ALDH4A1: variants seen among roughly 807,000 people sequenced by gnomAD.
The protein encoded by ALDH4A1 is delta-1-pyrroline-5-carboxylate dehydrogenase, mitochondrial.
In ALDH4A1, 46 loss-of-function variants were observed where a neutral mutation model predicts 70.5. The ratio of observed to expected loss-of-function variants is 0.65; its 90% CI spans 0.51 to 0.83. ALDH4A1 has a LOEUF of 0.83. Among genes scored for constraint, ALDH4A1 ranks in the 40% least tolerant of loss-of-function variants. The pLI is 0.00. For missense variants in ALDH4A1, 749 were observed against 766.5 expected (o/e 0.98, Z 0.27); for synonymous variants, 323 against 324.3 (o/e 1.00, Z 0.04).
chr1:18,878,077 G>A (rs922635907), intron 9 of ALDH4A1, among the ~76,000 whole-genome samples: 5 of 152,084 alleles, frequency 3.3e-5, no homozygotes, highest in East Asian at 3.9e-4. Flanking sequence ...GCTGGAAACC[G>A]CTCCCCCATT....
chr1:18,872,667 CA>C lies in ALDH4A1; in HGVS notation c.*177del. On this transcript the variant is annotated 3_prime_UTR_variant, in exon 15 of 15. Coordinates refer to ENST00000375341, the MANE Select transcript of ALDH4A1 (RefSeq NM_003748.4). Reference sequence around the variant, plus strand: ...GCCATGTTCCTCCCCAGCACGATCTCAAACCAGAGCCTGAGGCATGGGAGAG... The same window carrying C: ...GCCATGTTCCTCCCCAGCACGATCTCAACCAGAGCCTGAGGCATGGGAGAG... 1.7e-6 allele frequency: 1 copy of C among 595,674 alleles called. No homozygotes were observed. The allele number at this position is 595,674 out of a possible 1,614,324, so 36.9% of individuals were successfully genotyped here.
At position 18,898,296 on chromosome 1, in the gene ALDH4A1, T is replaced by C. The variant is rs539974699; in HGVS notation, c.62+4166A>G. ...GAGATCATGACACTGTACTCCAGCC[T>C]GGACAACAGAGTGAGACTCTGTCTC... On this transcript the variant is annotated intron_variant, in intron 1 of 14. Coordinates refer to ENST00000375341, the MANE Select transcript of ALDH4A1 (RefSeq NM_003748.4). This position sits in a 1 kb window ranked among gnomAD's most constrained non-coding sequence, Gnocchi z 4.3. 6.6e-6 allele frequency among the ~76,000 whole-genome samples: 1 copy of C among 152,306 alleles called. No individual in the cohort carries two copies. The highest frequency in any genetic ancestry group is 2.4e-5 in the African/African-American group (1 of 41,546).
At chr1:18,889,477 G>A in intron 2 of ALDH4A1, 23 bp from the exon 3 acceptor site, 1 of 1,543,770 alleles carries the variant, frequency 6.5e-7, no homozygotes, top group Non-Finnish European at 8.8e-7. Flanking sequence ...ACAAGAGTGG[G>A]TATGGTCACC....
chr1:18,873,000 A>G, intron 14 of ALDH4A1, 43 bp from the exon 15 acceptor site: 1 of 1,524,666 alleles, frequency 6.6e-7, no homozygotes, highest in Non-Finnish European at 9.1e-7. Context: ...AAGATGCAAC[A>G]GCCTGGGCAG....
intron 1 of ALDH4A1, 81 bp from the exon 2 acceptor site, chr1:18,890,186 A>C (rs1348353304): frequency 1.7e-6 from 2 of 1,200,870 alleles, no homozygotes; most frequent in Admixed American, 2.0e-5. Context: ...TACCTCCGAC[A>C]GGGGGTCCTA....
At chr1:18,892,469 C>A (rs1004856159) in intron 1 of ALDH4A1, among the ~76,000 whole-genome samples, 7 of 151,300 alleles carry the variant, frequency 4.6e-5, no homozygotes, top group Non-Finnish European at 8.8e-5. Context: ...CCAGGGTGGT[C>A]AGGGAAGGCC....
intron 4 of ALDH4A1, 126 bp from the exon 5 acceptor site, chr1:18,885,754 C>T: frequency 7.6e-7 from 1 of 1,323,044 alleles, no homozygotes; most frequent in South Asian, 1.3e-5. Flanking sequence ...TCTCCCTGGG[C>T]CCTCAGCCCC....
chr1:18,892,558 CG>C (rs66842291), intron 1 of ALDH4A1, among the ~76,000 whole-genome samples: 30 of 122,244 alleles, frequency 2.5e-4, no homozygotes, highest in South Asian at 1.8e-3. Flanking sequence ...TAGAAGGAGG[CG>C]GGGGGGGGCT....
chr1:18,900,691 G>A (rs1024850855), intron 1 of ALDH4A1, among the ~76,000 whole-genome samples: 6 of 152,330 alleles, frequency 3.9e-5, no homozygotes, highest in African/African-American at 1.2e-4. Flanking sequence ...GCCAGCTGCT[G>A]TATCAAAGGG....
chr1:18,897,668 A>G (rs1292686213), intron 1 of ALDH4A1, among the ~76,000 whole-genome samples: 2 of 152,258 alleles, frequency 1.3e-5, no homozygotes, highest in African/African-American at 4.8e-5. Context: ...TCAGGGTCAC[A>G]GCTCATGAGT....
Position 18,871,647 on chromosome 1 carries a change from T to C in ALDH4A1, c.*1198A>G, listed in dbSNP as rs7366541. ...CCCCCATCCATGGGCCAGTGGCACT[T>C]GGGGAATGGCCACACCAGCTCCGGG... On this transcript the variant is annotated 3_prime_UTR_variant, in exon 15 of 15. Transcript: ENST00000375341. The C allele has an allele frequency of 0.24, 36,846 of 152,256 alleles. 4,711 individuals carry two copies. Among genetic ancestry groups the C allele is most frequent in the Middle Eastern group, 0.31 (91 of 294 alleles). 9.4% of individuals were successfully genotyped at this position (152,256 alleles called of 1,614,324 possible).
At position 18,880,402 on chromosome 1, in the gene ALDH4A1, C is replaced by A. The variant is rs191183138; in HGVS notation, c.867-1029G>T. Among the ~76,000 whole-genome samples, 1 of 152,144 alleles carries A rather than the reference C, an allele frequency of 6.6e-6. No homozygotes were observed. The highest frequency in any genetic ancestry group is 1.5e-5 in the Non-Finnish European group (1 of 68,008). ...CCCTCATCCCCACACGCACCCCAAC[C>A]CCAACTCCAGGACAGGCAATGGCCA... On this transcript the variant is annotated intron_variant, in intron 8 of 14. Transcript: ENST00000375341. This position sits in a 1 kb window ranked among gnomAD's most constrained non-coding sequence, Gnocchi z 5.1.
intron 5 of ALDH4A1, 103 bp from the exon 6 acceptor site, chr1:18,883,531 A>G: frequency 6.7e-7 from 1 of 1,498,694 alleles, no homozygotes; most frequent in Non-Finnish European, 9.1e-7. Context: ...GCCGGGCCCC[A>G]GGAGGGACCA....
At chr1:18,885,739 G>C in intron 4 of ALDH4A1, 111 bp from the exon 5 acceptor site, 1 of 1,458,822 alleles carries the variant, frequency 6.9e-7, no homozygotes, top group Non-Finnish European at 9.4e-7. Flanking sequence ...CGGGGACAAT[G>C]CCTGTCTCCC....
chr1:18,879,433 A>T lies in ALDH4A1; in HGVS notation c.867-60T>A. 2.7e-6 allele frequency: 4 copies of T among 1,480,264 alleles called. No homozygotes were observed. In the South Asian group the frequency reaches 4.7e-5, roughly 18 times the overall value. The allele number at this position is 1,480,264 out of a possible 1,614,324, so 91.7% of individuals were successfully genotyped here. On this transcript the variant is annotated intron_variant, in intron 8 of 14. Coordinates refer to ENST00000375341, the MANE Select transcript of ALDH4A1 (RefSeq NM_003748.4). ...GCCAGGCCAGAGGAAGGGGGCGGAA[A>T]AGCCCAGGGAGGAGCATTGCCGGGG... is the stretch of plus-strand genomic sequence containing the variant.
At chr1:18,897,307 C>A (rs368250819) in intron 1 of ALDH4A1, among the ~76,000 whole-genome samples, 1 of 152,160 alleles carries the variant, frequency 6.6e-6, no homozygotes, top group African/African-American at 2.4e-5. Flanking sequence ...CTTTGGGAGG[C>A]GGAAGAGGGC....
rs530547178 is a variant in ALDH4A1 at position 18,887,413 on chromosome 1, C to A, written c.250-902G>T. Among the ~76,000 whole-genome samples, 41 of 152,370 alleles carry A rather than the reference C, an allele frequency of 2.7e-4. No individual in the cohort carries two copies. The South Asian group carries it at 8.1e-3, about 30-fold the overall frequency. On this transcript the variant is annotated intron_variant, in intron 3 of 14. Transcript: ENST00000375341. ...AGGAGATCGAGACCATCCTGGCTAA[C>A]ATGGTGAAACCCTCTCTCTACTAAA...
At chr1:18,893,476 A>C (rs1006172754) in intron 1 of ALDH4A1, among the ~76,000 whole-genome samples, 5 of 152,074 alleles carry the variant, frequency 3.3e-5, no homozygotes, top group African/African-American at 1.2e-4. Context: ...AGCGTCACAC[A>C]AAGAACAATG....
intron 5 of ALDH4A1, among the ~76,000 whole-genome samples, chr1:18,884,476 C>T (rs774109902): frequency 1.5e-4 from 23 of 152,200 alleles, no homozygotes; most frequent in Non-Finnish European, 2.5e-4. Flanking sequence ...CTTTCTCCCT[C>T]GACTCCTGTC....
Sources: gnomAD v4.1 joint callset for allele counts (sites outside exome capture counted in the v4.1 genomes callset) on GRCh38, gnomAD v4.1.1 for gene constraint, Gnocchi (gnomAD v3.1) non-coding constraint, MANE v1.5 for transcripts, NCBI Gene and HGNC (gene_info 2026-07-23, HGNC 2026-07-21) for gene names.